The following ACSL6 variants were observed in gnomAD, a reference collection of about 807,000 sequenced individuals.
The protein encoded by ACSL6 is acyl-CoA synthetase long chain family member 6.
A neutral mutation model predicts 98.2 loss-of-function variants in ACSL6; 47 were observed. The observed-to-expected ratio is 0.48, with a 90% confidence interval of 0.38 to 0.61. The LOEUF is 0.61. Among genes scored for constraint, ACSL6 ranks in the 20% least tolerant of loss-of-function variants. The probability of loss-of-function intolerance (pLI) is 0.00; values close to 1 mark genes in which losing one functional copy is unlikely to be tolerated. For missense variants in ACSL6, 761 were observed against 913.4 expected (o/e 0.83, Z 2.15); for synonymous variants, 362 against 336.9 (o/e 1.07, Z -0.82).
At chr5:131,967,894 A>T in intron 16 of ACSL6, 46 bp downstream of exon 16, 1 of 1,549,050 alleles carries the variant, frequency 6.5e-7, no homozygotes, top group South Asian at 1.1e-5. Context: ...GTTTTTACTC[A>T]CTACATGTAG....
At chr5:132,002,376 G>A (rs887881735) in intron 1 of ACSL6, among the ~76,000 whole-genome samples, 5 of 152,200 alleles carry the variant, frequency 3.3e-5, no homozygotes, top group African/African-American at 1.2e-4. Context: ...AGGGCATATG[G>A]GCTGCTCATG....
intron 18 of ACSL6, among the ~76,000 whole-genome samples, chr5:131,961,589 C>G (rs1166909580): frequency 6.6e-6 from 1 of 151,056 alleles, no homozygotes; most frequent in Non-Finnish European, 1.5e-5. Flanking sequence ...CCCAGCTACT[C>G]GGGAGTCTGA....
chr5:131,992,024 C>A (rs772904184), intron 2 of ACSL6, among the ~76,000 whole-genome samples: 2 of 152,162 alleles, frequency 1.3e-5, no homozygotes, highest in Non-Finnish European at 2.9e-5. Context: ...GACTGTATGC[C>A]AGGGACAGAA....
intron 17 of ACSL6, among the ~76,000 whole-genome samples, chr5:131,964,618 G>A (rs923629600): frequency 5.3e-5 from 8 of 152,140 alleles, no homozygotes; most frequent in Admixed American, 2.0e-4. Flanking sequence ...CAATATTGAG[G>A]GCCCTTTCTA....
At chr5:132,012,138 C>T, upstream of ACSL6, 1 of 536,268 alleles carries the variant, frequency 1.9e-6, no homozygotes, top group Non-Finnish European at 3.0e-6. Flanking sequence ...CTGACACCAA[C>T]GCCCCCTAGG....
chr5:131,976,423 A>G (rs1000775705), intron 10 of ACSL6, among the ~76,000 whole-genome samples: 2 of 152,196 alleles, frequency 1.3e-5, no homozygotes, highest in African/African-American at 4.8e-5. Context: ...CCAGAAATCA[A>G]CTGAATATTT....
chr5:132,010,762 C>T (rs1325061463), intron 1 of ACSL6, among the ~76,000 whole-genome samples: 1 of 152,026 alleles, frequency 6.6e-6, no homozygotes, highest in African/African-American at 2.4e-5. Context: ...GGGAAGTAGC[C>T]GGTGCAGGTG....
intron 9 of ACSL6, 148 bp downstream of exon 9, chr5:131,985,259 G>A (rs1344198178): frequency 4.3e-6 from 4 of 928,816 alleles, no homozygotes; most frequent in Non-Finnish European, 6.4e-6. Context: ...ACTGGGAGGT[G>A]CAGGAGGTCA....
At chr5:131,974,623 G>T in intron 11 of ACSL6, 1 of 991,854 alleles carries the variant, frequency 1.0e-6, no homozygotes, top group Non-Finnish European at 1.5e-6. Context: ...AAAGTCCTCT[G>T]AGCCCTCTGA....
At chr5:131,964,834 A>G (rs1055743839) in intron 17 of ACSL6, among the ~76,000 whole-genome samples, 1 of 152,186 alleles carries the variant, frequency 6.6e-6, no homozygotes, top group Non-Finnish European at 1.5e-5. Flanking sequence ...TCTACTCAGC[A>G]TATATTACTA....
upstream of ACSL6, chr5:132,011,798 T>G (rs1395119735): frequency 2.8e-6 from 4 of 1,408,414 alleles, no homozygotes; most frequent in Non-Finnish European, 3.7e-6. This position sits in a 1 kb window ranked among gnomAD's most constrained non-coding sequence, Gnocchi z 5.4. Flanking sequence ...GCCGGCCGGG[T>G]CTGGGGCTTG....
intron 19 of ACSL6, 103 bp downstream of exon 19, chr5:131,960,417 G>T (rs935937048): frequency 2.4e-6 from 2 of 843,988 alleles, no homozygotes; most frequent in Non-Finnish European, 3.5e-6. Context: ...TAGAAATTTC[G>T]TACGAGCTCG....
chr5:131,985,994 C>T (rs987859409), intron 8 of ACSL6, among the ~76,000 whole-genome samples: 1 of 152,244 alleles, frequency 6.6e-6, no homozygotes, highest in South Asian at 2.1e-4. Context: ...CCCACCAAGT[C>T]TGCTTGCATG....
intron 2 of ACSL6, among the ~76,000 whole-genome samples, chr5:131,992,854 C>A (rs145794504): frequency 3.9e-5 from 6 of 152,318 alleles, no homozygotes; most frequent in Non-Finnish European, 7.4e-5. Context: ...AAACAGCTGT[C>A]CTTAGTGACT....
chr5:131,999,998 T>TA (rs1234392944), intron 1 of ACSL6, among the ~76,000 whole-genome samples: 1 of 151,916 alleles, frequency 6.6e-6, no homozygotes, highest in Non-Finnish European at 1.5e-5. Flanking sequence ...AGCATGAGTT[T>TA]ATGTGTGTAG....
At chr5:131,972,259 C>G (rs1396558711) in intron 13 of ACSL6, among the ~76,000 whole-genome samples, 1 of 152,032 alleles carries the variant, frequency 6.6e-6, no homozygotes, top group Non-Finnish European at 1.5e-5. Context: ...TGAGGAGGTA[C>G]AGAAATGAGT....
intron 1 of ACSL6, chr5:131,994,614 C>T (rs1754699003): frequency 3.2e-6 from 1 of 312,764 alleles, no homozygotes; most frequent in Non-Finnish European, 6.1e-6. Flanking sequence ...TCCTGTGTGA[C>T]AGCTGTCATA....
At chr5:131,957,515 C>T (rs1752475985) in intron 20 of ACSL6, among the ~76,000 whole-genome samples, 1 of 152,194 alleles carries the variant, frequency 6.6e-6, no homozygotes. Flanking sequence ...ATTGTCTGTT[C>T]TTGGAAATTA....
At chr5:131,969,088 C>A (rs1753168510) in intron 15 of ACSL6, among the ~76,000 whole-genome samples, 1 of 152,214 alleles carries the variant, frequency 6.6e-6, no homozygotes, top group Non-Finnish European at 1.5e-5. Flanking sequence ...CCTGTTTCCC[C>A]TTTTGCTGAA....
Sources: gnomAD v4.1 joint callset for allele counts (sites outside exome capture counted in the v4.1 genomes callset) on GRCh38, gnomAD v4.1.1 for gene constraint, Gnocchi (gnomAD v3.1) non-coding constraint, MANE v1.5 for transcripts, NCBI Gene and HGNC (gene_info 2026-07-23, HGNC 2026-07-21) for gene names.